The following ADAMTS7 variants were observed in gnomAD, a reference collection of about 807,000 sequenced individuals.
The protein encoded by ADAMTS7 is A disintegrin and metalloproteinase with thrombospondin motifs 7.
A neutral mutation model predicts 172.6 loss-of-function variants in ADAMTS7; 89 were observed. That is an observed-to-expected ratio of 0.52 (90% CI 0.43 to 0.61). The LOEUF (loss-of-function observed/expected upper bound fraction) is 0.61. Among genes scored for constraint, ADAMTS7 ranks in the 20% least tolerant of loss-of-function variants. ADAMTS7 has a pLI of 0.00. For synonymous variants in ADAMTS7, 885 were observed against 978.4 expected (o/e 0.90, Z 1.78); for missense variants, 1,973 against 2,355.6 (o/e 0.84, Z 3.36).
At chr15:78,810,903 T>G (rs1228675406) in intron 1 of ADAMTS7, 1 of 419,422 alleles carries the variant, frequency 2.4e-6, no homozygotes, top group Non-Finnish European at 4.0e-6. Flanking sequence ...AGTAACTGAA[T>G]CAGGGGCCGA....
intron 8 of ADAMTS7, among the ~76,000 whole-genome samples, chr15:78,782,839 C>G (rs2055447506): frequency 6.6e-6 from 1 of 152,062 alleles, no homozygotes; most frequent in African/African-American, 2.4e-5. Context: ...CCTAGAGCCC[C>G]TCCCCAACCC....
chr15:78,776,521 G>C, intron 10 of ADAMTS7, 188 bp from the exon 11 acceptor site: 1 of 914,482 alleles, frequency 1.1e-6, no homozygotes, highest in Non-Finnish European at 1.6e-6. Flanking sequence ...TGAGCGGGGA[G>C]TAAAACAGCC....
At chr15:78,759,899 C>G (rs950996538) in intron 23 of ADAMTS7, among the ~76,000 whole-genome samples, 11 of 152,192 alleles carry the variant, frequency 7.2e-5, no homozygotes, top group African/African-American at 1.2e-4. Flanking sequence ...CACCCCATCT[C>G]CATCCTTGCT....
Position 78,772,747 on chromosome 15 carries a change from G to A in ADAMTS7, c.2131+336C>T, listed in dbSNP as rs1415248823. Among the ~76,000 whole-genome samples the A allele has an allele frequency of 6.6e-5, 10 of 152,388 alleles. No homozygotes were observed. The East Asian group carries it at 1.5e-3, about 24-fold the overall frequency. On this transcript the variant is annotated intron_variant, in intron 14 of 23. Coordinates refer to ENST00000388820, the MANE Select transcript of ADAMTS7 (RefSeq NM_014272.5). ...AGCACACAGTCAGTACTTGAGCAAC[G>A]TGTGCAAAACAGACCGGAGGTGAGG...
At position 78,763,935 on chromosome 15, in the gene ADAMTS7, G is replaced by C. The variant is rs1175091043; in HGVS notation, c.4584C>G (p.Ser1528=). Residue 1528 remains serine (S), a synonymous_variant, in exon 21 of 24, where the codon TCC becomes TCG. Transcript: ENST00000388820. Reference sequence around the variant, plus strand: ...AACGGCCAGGCCTCACCTCCCTCCAGGAAGATGTGTACCAGCTGAGGCAGG... The same window carrying C: ...AACGGCCAGGCCTCACCTCCCTCCACGAAGATGTGTACCAGCTGAGGCAGG... The part of the protein sequence containing the change: ...AQPCLSWYTS[S]WRECSEACGG... 1 of 1,548,644 alleles carries C rather than the reference G, an allele frequency of 6.5e-7. No homozygotes were observed. Among genetic ancestry groups the C allele is most frequent in the African/African-American group, 1.4e-5 (1 of 74,034 alleles).
rs377611907 is a variant in ADAMTS7, at chr15:78,762,481, C to T, written c.4825G>A (p.Asp1609Asn). The change falls in exon 23 of 24, where the codon GAC (aspartate) becomes AAC (asparagine). Residue 1609 changes from aspartate to asparagine, a missense_variant. Physicochemically the swap from Asp to Asn is conservative, Grantham distance 23. Around this residue, in one of 8 missense-constraint regions of ADAMTS7, gnomAD observed 42 missense variants for 78.3 expected, o/e 0.54. Transcript: ENST00000388820. The stretch of plus-strand genomic sequence containing the variant: ...GGCCAGGCCTCGTGGCCACACTGGT[C>T]ACTGTCTTCCTCGGGCAGCCCTGTC... ...TQTGLPEEDS[D>N]QCGHEAWPES... is the part of the protein sequence containing the mutation. The T allele has an allele frequency of 6.3e-7, 1 of 1,588,858 alleles. No individual in the cohort carries two copies. Among genetic ancestry groups the T allele is most frequent in the African/African-American group, 1.4e-5 (1 of 73,520 alleles).
In ADAMTS7 at chr15:78,764,560, T is replaced by G; in HGVS notation, c.4414A>C (p.Ser1472Arg). ...CTGGCTCCATCCTCACGCACCTTAC[T>G]CCAGTTGCCTGAGTGCCAGGTGGCA... ...PCATWHSGNWSKCSRSCGGGS... is the reference protein window; with the variant it reads ...PCATWHSGNWRKCSRSCGGGS... Residue 1472 changes from serine to arginine, a missense_variant, in exon 20 of 24, where the codon AGT (serine) becomes CGT (arginine). Around this residue, in one of 8 missense-constraint regions of ADAMTS7, gnomAD observed 218 missense variants for 216.9 expected, o/e 1.01. Transcript: ENST00000388820. 1 of 1,549,202 alleles carries G rather than the reference T, an allele frequency of 6.5e-7. No individual in the cohort carries two copies. Among genetic ancestry groups the G allele is most frequent in the Non-Finnish European group, 8.7e-7 (1 of 1,155,068 alleles).
At chr15:78,765,568 T>A in intron 19 of ADAMTS7, 77 bp downstream of exon 19, 23 of 1,592,454 alleles carry the variant, frequency 1.4e-5, no homozygotes, top group Non-Finnish European at 2.0e-5. Context: ...TGTGTCCCAC[T>A]CTGCTCATTT....
intron 23 of ADAMTS7, among the ~76,000 whole-genome samples, chr15:78,760,260 C>T (rs1437260228): frequency 2.0e-5 from 3 of 152,328 alleles, no homozygotes; most frequent in Admixed American, 2.0e-4. Flanking sequence ...GCTGGGCCCT[C>T]CTGCCCCGTG....
intron 12 of ADAMTS7, 69 bp downstream of exon 12, chr15:78,774,555 A>C (rs1032763542): frequency 1.9e-6 from 3 of 1,605,102 alleles, no homozygotes; most frequent in Admixed American, 3.3e-5. Context: ...CTCGCATCAC[A>C]GGGTAACCTT....
chr15:78,790,863 C>A lies in ADAMTS7; in HGVS notation c.904-69G>T, dbSNP rs2055570461. ...AAGAAGGTCAGGCCCAATTCTCCCC[C>A]ATACGAAGGCAGGAGACAGAGGCCC... On this transcript the variant is annotated intron_variant, in intron 5 of 23. Coordinates refer to ENST00000388820, the MANE Select transcript of ADAMTS7 (RefSeq NM_014272.5). 8 of 1,593,228 alleles carry A rather than the reference C, an allele frequency of 5.0e-6. No individual in the cohort carries two copies. In the Middle Eastern group the frequency reaches 6.6e-4, roughly 132 times the overall value.
chr15:78,795,413 C>T (rs1298563847), intron 4 of ADAMTS7, among the ~76,000 whole-genome samples: 4 of 152,236 alleles, frequency 2.6e-5, no homozygotes, highest in African/African-American at 9.6e-5. Flanking sequence ...CAGAGCTGCA[C>T]TCACTGATGA....
chr15:78,774,675 C>T lies in ADAMTS7; in HGVS notation c.1825G>A (p.Ala609Thr), dbSNP rs369857378. 1.3e-4 allele frequency: 207 copies of T among 1,611,242 alleles called. No individual in the cohort carries two copies. Among genetic ancestry groups the T allele is most frequent in the Non-Finnish European group, 1.5e-4 (182 of 1,179,574 alleles). ...TGCAGCTGGCCCTTGTAGAGCATAG[C>T]GTCAAAGTGGCTGCACTGGACGTGG... The part of the protein sequence containing the change: ...FRHVQCSHFD[A>T]MLYKGQLHTW... The change falls in exon 12 of 24, where the codon GCT becomes ACT. Residue 609 changes from alanine to threonine, a missense_variant. Transcript: ENST00000388820.
At chr15:78,793,590 G>A (rs1202397232) in intron 4 of ADAMTS7, among the ~76,000 whole-genome samples, 1 of 152,024 alleles carries the variant, frequency 6.6e-6, no homozygotes, top group African/African-American at 2.4e-5. Context: ...TTTTTTCACA[G>A]TGCACTACTG....
In ADAMTS7 at chr15:78,765,810, C is replaced by T. The variant is rs764391945; in HGVS notation, c.4101G>A (p.Val1367=). The T allele has an allele frequency of 6.3e-7, 1 of 1,593,418 alleles. No individual in the cohort carries two copies. Among genetic ancestry groups the T allele is most frequent in the Admixed American group, 1.7e-5 (1 of 57,262 alleles). ...KGQPESLSPE[V]PLSSRLLSTP... is the part of the protein sequence containing the mutation. ...TGGACAGCAGCCTAGAGCTCAGGGG[C>T]ACCTCAGGGCTGAGGGACTCAGGCT... Residue 1367 remains valine, a synonymous_variant, in exon 19 of 24, where the codon GTG becomes GTA. Transcript: ENST00000388820.
chr15:78,770,018 C>T (rs1290287165), intron 16 of ADAMTS7, among the ~76,000 whole-genome samples: 2 of 151,898 alleles, frequency 1.3e-5, no homozygotes, highest in South Asian at 2.1e-4. Context: ...AAAAATTAGC[C>T]GGGCATGGTG....
intron 1 of ADAMTS7, among the ~76,000 whole-genome samples, chr15:78,809,187 G>A (rs2055834014): frequency 6.6e-6 from 1 of 152,178 alleles, no homozygotes; most frequent in Non-Finnish European, 1.5e-5. Context: ...ACCCTAGCAG[G>A]TCCCTGGGTC....
Position 78,767,028 on chromosome 15 carries a change from G to T in ADAMTS7, c.2883C>A (p.Gly961=). The change falls in exon 19 of 24, where the codon GGC becomes GGA. Residue 961 remains glycine, a synonymous_variant. Coordinates refer to ENST00000388820, the MANE Select transcript of ADAMTS7 (RefSeq NM_014272.5). ...WSQCSVTCGE[G]TQRRNVLCTN... ...TGCAGAGGACATTTCGGCGCTGAGT[G>T]CCCTCCCCACATGTCACTGAGCACT... 1 of 1,565,828 alleles carries T rather than the reference G, an allele frequency of 6.4e-7. No homozygotes were observed. Among genetic ancestry groups the T allele is most frequent in the East Asian group, 2.2e-5 (1 of 44,574 alleles).
In ADAMTS7 at chr15:78,773,117, G is replaced by A. The variant is rs775003393; in HGVS notation, c.2097C>T (p.Thr699=). 48 of 1,520,036 alleles carry A rather than the reference G, an allele frequency of 3.2e-5. 1 individual carries two copies. The highest frequency in any genetic ancestry group is 4.1e-5 in the African/African-American group (3 of 72,892). 94.2% of individuals were successfully genotyped at this position (1,520,036 alleles called of 1,614,324 possible). A position where few individuals can be genotyped will look rare whatever the true frequency, so the allele number is the denominator to read the frequency against. ...CGGCCTCCTCGAAGGTCCCGCTCACGGTGTGGCAGGTGGAGCCGTTGCCGT... is the reference window on the plus strand; with the variant it reads ...CGGCCTCCTCGAAGGTCCCGCTCACAGTGTGGCAGGTGGAGCCGTTGCCGT... ...VCHGNGSTCH[T]VSGTFEEAEG... is the part of the protein sequence containing the mutation. The change falls in exon 14 of 24, where the codon ACC becomes ACT. Residue 699 remains threonine (T), a synonymous_variant. Coordinates refer to ENST00000388820, the MANE Select transcript of ADAMTS7 (RefSeq NM_014272.5).
Sources: gnomAD v4.1 joint callset for allele counts (sites outside exome capture counted in the v4.1 genomes callset) on GRCh38, gnomAD v4.1.1 for gene constraint, gnomAD v4.1.1 regional missense constraint, MANE v1.5 for transcripts, NCBI Gene and HGNC (gene_info 2026-07-23, HGNC 2026-07-21) for gene names.